The following MED13 variants were observed in gnomAD, a reference collection of about 807,000 sequenced individuals.
The protein encoded by MED13 is mediator of RNA polymerase II transcription subunit 13.
A neutral mutation model predicts 225.2 loss-of-function variants in MED13; 23 were observed. The observed-to-expected ratio is 0.10, with a 90% CI of 0.07 to 0.14. MED13 has a LOEUF of 0.14. Ranked by LOEUF, MED13 falls within the 10% of genes least tolerant of loss-of-function variation. The probability of loss-of-function intolerance (pLI) is 1.00; values close to 1 mark genes in which losing one functional copy is unlikely to be tolerated. For missense variants in MED13, 2,197 were observed against 2,594.5 expected, an observed-to-expected ratio of 0.85 and a Z score of 3.33; for synonymous variants, 942 against 889.2, an observed-to-expected ratio of 1.06 and a Z score of -1.06.
intron 17 of MED13, among the ~76,000 whole-genome samples, chr17:61,970,679 CAAAAAAAAAAA>C (rs10600340): frequency 6.4e-5 from 3 of 46,918 alleles, no homozygotes; most frequent in Non-Finnish European, 1.1e-4. Context: ...GAGACTGTCT[CAAAAAAAAAAA>C]AAAAAAAAAA....
chr17:61,974,901 A>G (rs554509723), intron 16 of MED13, among the ~76,000 whole-genome samples: 1 of 152,258 alleles, frequency 6.6e-6, no homozygotes, highest in African/African-American at 2.4e-5. Context: ...ACAAGCAACA[A>G]GAGAAAAAAT....
chr17:61,993,196 C>CTTTTTTTTTTTTTTTTTTT (rs1267367816), intron 10 of MED13, among the ~76,000 whole-genome samples: 1 of 127,386 alleles, frequency 7.9e-6, no homozygotes, highest in African/African-American at 3.6e-5. Context: ...TTCTTTCTTT[C>CTTTTTTTTTTTTTTTTTTT]TTTCTTTTTT....
chr17:62,040,597 C>T (rs1453084439), intron 3 of MED13, among the ~76,000 whole-genome samples: 2 of 152,140 alleles, frequency 1.3e-5, no homozygotes, highest in African/African-American at 2.4e-5. Flanking sequence ...AATGATATCC[C>T]ATTTGCCAGT....
chr17:62,040,854 A>G (rs2080846811), intron 3 of MED13, among the ~76,000 whole-genome samples: 1 of 152,188 alleles, frequency 6.6e-6, no homozygotes, highest in Non-Finnish European at 1.5e-5. Context: ...ACACCCATAA[A>G]AATAGCTTTA....
At position 61,994,856 on chromosome 17, in the gene MED13, G is replaced by A. The variant is rs145618577; in HGVS notation, c.2181+296C>T. Among the ~76,000 whole-genome samples the A allele has an allele frequency of 5.4e-3, 828 of 152,090 alleles. 4 individuals are homozygous for A. Among genetic ancestry groups the A allele is most frequent in the African/African-American group, 0.018 (767 of 41,498 alleles). ...TCCCGAATAGCTGGGATTACAAGGC[G>A]CACACCACCACACCCAGCTACTTTT... On this transcript the variant is annotated intron_variant, in intron 10 of 29. Coordinates refer to ENST00000397786, the MANE Select transcript of MED13 (RefSeq NM_005121.3).
Position 62,010,836 on chromosome 17 carries a change from A to G in MED13, c.1681T>C (p.Tyr561His), listed in dbSNP as rs373796910. 264 of 1,614,216 alleles carry G rather than the reference A, an allele frequency of 1.6e-4. 2 individuals carry two copies. In the Middle Eastern group the frequency reaches 3.1e-3, roughly 19 times the overall value. Residue 561 changes from tyrosine to histidine, a missense_variant, in exon 9 of 30, where the codon TAT becomes CAT. Coordinates refer to ENST00000397786, the MANE Select transcript of MED13 (RefSeq NM_005121.3). The part of the protein sequence containing the change: ...TPSTPQSQHF[Y>H]QMPTPDPLVP... The stretch of plus-strand genomic sequence containing the variant: ...AAGGGATCTGGTGTTGGCATTTGAT[A>G]AAAATGTTGACTCTGAGGAGTTGAA...
At chr17:62,054,270 C>G (rs913066076) in intron 2 of MED13, among the ~76,000 whole-genome samples, 1 of 151,680 alleles carries the variant, frequency 6.6e-6, no homozygotes, top group Non-Finnish European at 1.5e-5. Flanking sequence ...CACTGCACTC[C>G]AGCCTGGGAC....
chr17:61,967,143 C>T (rs1261810508), intron 18 of MED13, among the ~76,000 whole-genome samples: 1 of 151,986 alleles, frequency 6.6e-6, no homozygotes, highest in African/African-American at 2.4e-5. Flanking sequence ...ATTAGAAGCC[C>T]AATGTTAAAT....
intron 2 of MED13, among the ~76,000 whole-genome samples, chr17:62,056,812 T>A (rs965505706): frequency 1.3e-5 from 2 of 151,514 alleles, no homozygotes; most frequent in Admixed American, 1.3e-4. Context: ...CCAGAGAAAA[T>A]AAAGTTCAAC....
chr17:61,989,072 C>T (rs921197479), intron 11 of MED13, among the ~76,000 whole-genome samples: 1 of 148,846 alleles, frequency 6.7e-6, no homozygotes, highest in Non-Finnish European at 1.5e-5. Flanking sequence ...AGTGCAGTGG[C>T]GTGATCTCGG....
intron 8 of MED13, among the ~76,000 whole-genome samples, chr17:62,015,980 TTTTA>T (rs1567980246): frequency 1.5e-5 from 1 of 64,976 alleles, no homozygotes; most frequent in Non-Finnish European, 2.8e-5. Context: ...TTTTTTTTTT[TTTTA>T]GTAGAGACCG....
intron 3 of MED13, among the ~76,000 whole-genome samples, chr17:62,038,850 G>C (rs997036003): frequency 6.6e-6 from 1 of 151,786 alleles, no homozygotes; most frequent in East Asian, 1.9e-4. Flanking sequence ...TCCCCCTAGG[G>C]ATGGCAGGGG....
intron 6 of MED13, 70 bp downstream of exon 6, chr17:62,031,374 T>C: frequency 8.0e-7 from 1 of 1,243,378 alleles, no homozygotes; most frequent in Non-Finnish European, 1.1e-6. Flanking sequence ...CAAAATAAAT[T>C]ATTTCTTAAG....
At chr17:62,050,953 T>C (rs781493833) in intron 3 of MED13, among the ~76,000 whole-genome samples, 5 of 152,044 alleles carry the variant, frequency 3.3e-5, no homozygotes, top group African/African-American at 4.8e-5. Context: ...TGCAGTGAGC[T>C]GAGATTGCAC....
intron 11 of MED13, among the ~76,000 whole-genome samples, chr17:61,989,952 C>A (rs1054741098): frequency 6.6e-6 from 1 of 152,132 alleles, no homozygotes; most frequent in Non-Finnish European, 1.5e-5. Context: ...TAGATCACTC[C>A]GGCAAAGAAT....
At position 62,063,188 on chromosome 17, in the gene MED13, G is replaced by A. The variant is rs766415230; in HGVS notation, c.180C>T (p.Cys60=). The part of the protein sequence containing the change: ...EDPILSSFSR[C]LKADVLGVWR... ...AAACACCAAGTACATCTGCCTTAAG[G>A]CAGCGACTAAAACTGCTCAAAATGG... The change falls in exon 2 of 30, where the codon TGC becomes TGT. Residue 60 remains cysteine (C), a synonymous_variant. Coordinates refer to ENST00000397786, the MANE Select transcript of MED13 (RefSeq NM_005121.3). The A allele has an allele frequency of 8.1e-6, 13 of 1,613,980 alleles. No homozygotes were observed. In the Admixed American group the frequency reaches 1.3e-4, roughly 17 times the overall value.
In MED13 at chr17:62,063,220, C is replaced by G; in HGVS notation, c.148G>C (p.Glu50Gln). 6.2e-7 allele frequency: 1 copy of G among 1,614,138 alleles called. No homozygotes were observed. Among genetic ancestry groups the G allele is most frequent in the African/African-American group, 1.3e-5 (1 of 75,038 alleles). Residue 50 changes from glutamate (E) to glutamine (Q), a missense_variant, in exon 2 of 30, where the codon GAA becomes CAA. Transcript: ENST00000397786. ...SAPILFPVTE[E>Q]DPILSSFSRC... ...CTAAAACTGCTCAAAATGGGGTCTT[C>G]TTCTGTCACAGGAAACAGAATAGGG...
Position 62,031,657 on chromosome 17 carries a change from G to A in MED13, c.815-19C>T. 6.6e-7 allele frequency: 1 copy of A among 1,507,682 alleles called. No individual in the cohort carries two copies. Among genetic ancestry groups the A allele is most frequent in the Non-Finnish European group, 8.9e-7 (1 of 1,123,984 alleles). The allele number at this position is 1,507,682 out of a possible 1,614,324, so 93.4% of individuals were successfully genotyped here. On this transcript the variant is annotated intron_variant, in intron 5 of 29. Coordinates refer to ENST00000397786, the MANE Select transcript of MED13 (RefSeq NM_005121.3). ...ACACCAGCTGAAAGGAAAAAAATGG[G>A]ACAGGAAAACCAATTACCTTTGTGA...
At chr17:61,985,896 C>T (rs1229631030) in intron 12 of MED13, among the ~76,000 whole-genome samples, 1 of 152,172 alleles carries the variant, frequency 6.6e-6, no homozygotes, top group African/African-American at 2.4e-5. Flanking sequence ...ACAGGTAAAA[C>T]TAAGTACAAA....
Sources: gnomAD v4.1 joint callset for allele counts (sites outside exome capture counted in the v4.1 genomes callset) on GRCh38, gnomAD v4.1.1 for gene constraint, MANE v1.5 for transcripts, NCBI Gene and HGNC (gene_info 2026-07-23, HGNC 2026-07-21) for gene names.